Variants in KDM2B observed in about 807,000 individuals in gnomAD.
KDM2B encodes lysine-specific demethylase 2B.
Under a neutral mutation model 150.0 loss-of-function variants are expected in KDM2B, and 26 were observed. The ratio of observed to expected loss-of-function variants is 0.17; its 90% CI spans 0.13 to 0.24. The LOEUF is 0.24. Among genes scored for constraint, KDM2B ranks in the 10% least tolerant of loss-of-function variants. KDM2B has a pLI of 1.00. For synonymous variants in KDM2B, 734 were observed against 729.5 expected, an observed-to-expected ratio of 1.01 and a Z score of -0.10; for missense variants, 1,265 against 1,816.9, an observed-to-expected ratio of 0.70 and a Z score of 5.52.
At chr12:121,464,600 G>GTGGGC (rs1555294427) in intron 12 of KDM2B, among the ~76,000 whole-genome samples, 2 of 152,238 alleles carry the variant, frequency 1.3e-5, no homozygotes, top group African/African-American at 4.8e-5. Flanking sequence ...CTCTGATGGG[G>GTGGGC]TGGGCGTGAG....
At chr12:121,461,733 G>T (rs1447709928) in intron 12 of KDM2B, among the ~76,000 whole-genome samples, 1 of 152,140 alleles carries the variant, frequency 6.6e-6, no homozygotes, top group Non-Finnish European at 1.5e-5. Flanking sequence ...CCAGCAAGCA[G>T]GTGGAACCAG....
intron 11 of KDM2B, among the ~76,000 whole-genome samples, chr12:121,507,439 C>T (rs1555303119): frequency 6.6e-6 from 1 of 152,230 alleles, no homozygotes; most frequent in East Asian, 1.9e-4. Context: ...CCCAACAGCA[C>T]CAAGTCATTG....
intron 14 of KDM2B, 182 bp downstream of exon 14, chr12:121,445,093 G>A (rs1234369191): frequency 1.6e-6 from 1 of 630,202 alleles, no homozygotes; most frequent in Non-Finnish European, 2.7e-6. Context: ...ATGACACTGG[G>A]TCTCTGAGGT....
intron 22 of KDM2B, among the ~76,000 whole-genome samples, chr12:121,439,553 G>C (rs1874615603): frequency 6.6e-6 from 1 of 151,320 alleles, no homozygotes; most frequent in Admixed American, 6.6e-5. Flanking sequence ...GCTAATTTTT[G>C]TATTTTTTTG....
intron 2 of KDM2B, among the ~76,000 whole-genome samples, chr12:121,578,463 C>G (rs1891672690): frequency 6.6e-6 from 1 of 152,184 alleles, no homozygotes. Flanking sequence ...GCGCAGGGAG[C>G]GCGACCGGCT....
intron 1 of KDM2B, chr12:121,579,882 A>AT (rs1285154922): frequency 2.9e-5 from 41 of 1,434,188 alleles, no homozygotes; most frequent in African/African-American, 2.6e-4. Context: ...AATTTATTAT[A>AT]TTTTTTTCCC....
intron 22 of KDM2B, among the ~76,000 whole-genome samples, chr12:121,438,488 C>T (rs1384715912): frequency 1.3e-5 from 2 of 152,126 alleles, no homozygotes; most frequent in South Asian, 2.1e-4. Context: ...TAAGACGACT[C>T]CCAGGCCCTC....
intron 8 of KDM2B, among the ~76,000 whole-genome samples, chr12:121,527,462 C>A (rs1233114026): frequency 6.7e-6 from 1 of 148,594 alleles, no homozygotes; most frequent in Non-Finnish European, 1.5e-5. Flanking sequence ...ACCATCCTGG[C>A]TAACACGGTG....
intron 12 of KDM2B, among the ~76,000 whole-genome samples, chr12:121,493,478 G>T (rs1426527736): frequency 6.6e-6 from 1 of 152,112 alleles, no homozygotes; most frequent in African/African-American, 2.4e-5. Flanking sequence ...GGAGGCAGAC[G>T]GATGGTACAG....
At chr12:121,432,736 C>T (rs57971979) in intron 22 of KDM2B, among the ~76,000 whole-genome samples, 47,279 of 152,192 alleles carry the variant, frequency 0.31, 8,901 homozygotes, top group East Asian at 0.43. Context: ...ATCTGCCTTC[C>T]AGAGCACTGT....
intron 4 of KDM2B, among the ~76,000 whole-genome samples, chr12:121,556,490 A>C (rs1329940048): frequency 1.3e-5 from 2 of 152,154 alleles, no homozygotes; most frequent in Non-Finnish European, 2.9e-5. Flanking sequence ...CCTCACCAGA[A>C]GCAGATGCTG....
chr12:121,438,002 C>T (rs892199618), intron 22 of KDM2B, among the ~76,000 whole-genome samples: 13 of 151,778 alleles, frequency 8.6e-5, no homozygotes, highest in Non-Finnish European at 2.9e-5. Context: ...GCCTGTAATC[C>T]CAGCACTTTG....
chr12:121,443,806 G>A lies in KDM2B; in HGVS notation c.2452-13C>T, dbSNP rs1875634670. On this transcript the variant is annotated splice_polypyrimidine_tract_variant and intron_variant, in intron 16 of 22. Transcript: ENST00000377071. ...GAAGCGATGAGGCCTAAAGGGGGGTGGAGTGGGAAGAGGAGTGACTCGCTG... is the reference window on the plus strand; with the variant it reads ...GAAGCGATGAGGCCTAAAGGGGGGTAGAGTGGGAAGAGGAGTGACTCGCTG... The A allele has an allele frequency of 6.6e-7, 1 of 1,519,810 alleles. No homozygotes were observed. Among genetic ancestry groups the A allele is most frequent in the South Asian group, 1.2e-5 (1 of 85,398 alleles). 94.1% of individuals were successfully genotyped at this position (1,519,810 alleles called of 1,614,324 possible). A position where few individuals can be genotyped will look rare whatever the true frequency, so the allele number is the denominator to read the frequency against.
intron 6 of KDM2B, among the ~76,000 whole-genome samples, chr12:121,538,176 G>A (rs1888315019): frequency 6.6e-6 from 1 of 152,008 alleles, no homozygotes; most frequent in Non-Finnish European, 1.5e-5. Context: ...GCGGAGGGAG[G>A]CCGCGGGGCG....
intron 6 of KDM2B, among the ~76,000 whole-genome samples, 153 bp downstream of exon 6, chr12:121,548,724 G>A (rs948167610): frequency 2.0e-5 from 3 of 152,182 alleles, no homozygotes; most frequent in African/African-American, 7.2e-5. Context: ...TGTCCCAGCT[G>A]TGCCCCCACA....
Position 121,569,086 on chromosome 12 carries a change from G to T in KDM2B, c.397+5461C>A, listed in dbSNP as rs1258431270. On this transcript the variant is annotated intron_variant, in intron 4 of 22. Coordinates refer to ENST00000377071, the MANE Select transcript of KDM2B (RefSeq NM_032590.5). ...GCTGCAAGACACAGGCTGCGACCCC[G>T]CAATGACTGGGAGGGCTGGCCCAAC... Among the ~76,000 whole-genome samples the T allele has an allele frequency of 2.6e-5, 4 of 152,286 alleles. No homozygotes were observed. The East Asian group carries it at 5.8e-4, about 22-fold the overall frequency.
At chr12:121,500,197 T>C (rs1884400263) in intron 11 of KDM2B, among the ~76,000 whole-genome samples, 1 of 152,136 alleles carries the variant, frequency 6.6e-6, no homozygotes, top group African/African-American at 2.4e-5. Flanking sequence ...GAGGGAATCA[T>C]GTCACTGGCT....
intron 11 of KDM2B, among the ~76,000 whole-genome samples, chr12:121,506,741 C>A (rs1885105010): frequency 6.6e-6 from 1 of 152,056 alleles, no homozygotes; most frequent in Admixed American, 6.6e-5. Flanking sequence ...AGTTCAAGAC[C>A]AGCCTGACCA....
rs1383756911 is a variant in KDM2B, at chr12:121,575,983, C to T, written c.272-124G>A. ...GCAGGGGGTCCAGGAGATGCAGGCA[C>T]CAGCTGTACAGCAAAAGCTCCTTGG... On this transcript the variant is annotated intron_variant, in intron 2 of 22. Transcript: ENST00000377071. The surrounding 1 kb of genome is among the most constrained non-coding windows in gnomAD (Gnocchi z 4.4). 3 of 704,230 alleles carry T rather than the reference C, an allele frequency of 4.3e-6. No individual in the cohort carries two copies. Among genetic ancestry groups the T allele is most frequent in the East Asian group, 2.6e-5 (1 of 39,166 alleles). 43.6% of individuals were successfully genotyped at this position (704,230 alleles called of 1,614,324 possible).
Sources: allele counts gnomAD v4.1 joint callset (sites outside exome capture counted in the v4.1 genomes callset), GRCh38; gene constraint gnomAD v4.1.1; non-coding constraint Gnocchi (gnomAD v3.1); transcripts MANE v1.5; gene names NCBI Gene and HGNC (gene_info 2026-07-23, HGNC 2026-07-21).